The following MYO19 variants were observed in gnomAD, a reference collection of about 807,000 sequenced individuals.
The protein encoded by MYO19 is myosin XIX, also known as unconventional myosin-XIX.
In MYO19, 132 loss-of-function variants were observed where a neutral mutation model predicts 129.2. That is an observed-to-expected ratio of 1.02 (90% CI 0.89 to 1.18). MYO19 has a LOEUF of 1.18. Ranked by LOEUF, MYO19 falls within the 50% of genes most tolerant of loss-of-function variation. The pLI, the probability that MYO19 is intolerant of heterozygous loss-of-function variation, is 0.00. For synonymous variants in MYO19, 531 were observed against 477.2 expected (o/e 1.11, Z -1.47); for missense variants, 1,210 against 1,216.7 (o/e 0.99, Z 0.08).
At position 36,508,084 on chromosome 17, in the gene MYO19, C is replaced by G. The variant is rs989430423; in HGVS notation, c.1232-160G>C. The stretch of plus-strand genomic sequence containing the variant: ...GACACCTGTGGTGGGCAGAACATAC[C>G]TTCCCCACCCTCCACCCAAGGTGGC... On this transcript the variant is annotated intron_variant, in intron 14 of 25. Coordinates refer to ENST00000614623, the MANE Select transcript of MYO19 (RefSeq NM_001163735.2). 4.5e-6 allele frequency: 3 copies of G among 662,836 alleles called. No homozygotes were observed. The Admixed American group carries it at 1.1e-4, about 24-fold the overall frequency. 41.1% of individuals were successfully genotyped at this position (662,836 alleles called of 1,614,324 possible). A position where few individuals can be genotyped will look rare whatever the true frequency, so the allele number is the denominator to read the frequency against.
At position 36,498,260 on chromosome 17, in the gene MYO19, AC is replaced by A; in HGVS notation, c.2757+5del. On this transcript the variant is annotated splice_donor_5th_base_variant and intron_variant, in intron 25 of 25. Transcript: ENST00000614623. Reference sequence around the variant, plus strand: ...AAAGCTGTCATGGCCATCACACACAACGTACCTGAGGCAGCGCTCGGATGGA... The same window carrying A: ...AAAGCTGTCATGGCCATCACACACAAGTACCTGAGGCAGCGCTCGGATGGA... 1 of 1,607,560 alleles carries A rather than the reference AC, an allele frequency of 6.2e-7. No homozygotes were observed. Among genetic ancestry groups the A allele is most frequent in the South Asian group, 1.1e-5 (1 of 91,008 alleles).
In MYO19 at chr17:36,532,573, G is replaced by A; in HGVS notation, c.-35C>T. On this transcript the variant is annotated 5_prime_UTR_variant, in exon 3 of 26. Transcript: ENST00000614623. ...AAGTGGTCAGCCAGGGTTCTGGGTT[G>A]CAGGAGGTACAAGGAGTACTATCCA... The A allele has an allele frequency of 3.2e-6, 5 of 1,553,136 alleles. No homozygotes were observed. The highest frequency in any genetic ancestry group is 4.4e-6 in the Non-Finnish European group (5 of 1,147,822).
At chr17:36,511,191 T>C in intron 12 of MYO19, 174 bp downstream of exon 12, 1 of 709,370 alleles carries the variant, frequency 1.4e-6, no homozygotes, top group Non-Finnish European at 2.4e-6. Flanking sequence ...GGGACGATAC[T>C]GTCTGCCTCA....
rs2072130976 is a variant in MYO19 at position 36,509,092 on chromosome 17, CA to C, written c.1200del (p.Cys400TrpfsTer11). 1.2e-6 allele frequency: 2 copies of C among 1,613,842 alleles called. No individual in the cohort carries two copies. The highest frequency in any genetic ancestry group is 1.7e-6 in the Non-Finnish European group (2 of 1,179,836). ...WLVSVINSSICADTDSWTTFI... is the reference protein window; with the variant it reads ...WLVSVINSSIXADTDSWTTFI... ...AAAGTGGTCCACGAGTCGGTGTCTG[CA>C]CAGATGCTGCTGTTGATCACTGATA... On this transcript the variant is annotated frameshift_variant, in exon 14 of 26. Transcript: ENST00000614623. LOFTEE classifies it high-confidence loss of function.
At chr17:36,519,468 G>A (rs546563178) in intron 6 of MYO19, among the ~76,000 whole-genome samples, 1 of 151,830 alleles carries the variant, frequency 6.6e-6, no homozygotes, top group South Asian at 2.1e-4. Flanking sequence ...TATCGTAATT[G>A]TCACTATGCC....
At chr17:36,502,740 T>C (rs1417163979) in intron 21 of MYO19, 1 of 256,738 alleles carries the variant, frequency 3.9e-6, no homozygotes, top group Admixed American at 5.1e-5. Flanking sequence ...CAGAACTGGC[T>C]GGAGTTCCTC....
intron 9 of MYO19, 64 bp downstream of exon 9, chr17:36,514,382 G>T: frequency 5.6e-6 from 6 of 1,078,498 alleles, no homozygotes; most frequent in Non-Finnish European, 8.6e-6. Context: ...GGAGTGGGGG[G>T]TTGAAAAACA....
intron 6 of MYO19, among the ~76,000 whole-genome samples, chr17:36,518,688 A>C (rs1192369790): frequency 6.6e-6 from 1 of 150,914 alleles, no homozygotes; most frequent in Non-Finnish European, 1.5e-5. Flanking sequence ...AGCATCATTA[A>C]AATGCTGAAT....
intron 25 of MYO19, among the ~76,000 whole-genome samples, chr17:36,497,249 A>T (rs1189207309): frequency 1.3e-5 from 2 of 151,970 alleles, no homozygotes; most frequent in Non-Finnish European, 2.9e-5. Context: ...GAGGCAGGAG[A>T]ATCGCTTAAA....
At chr17:36,504,562 T>A (rs775025686) in intron 19 of MYO19, 3 of 156,358 alleles carry the variant, frequency 1.9e-5, no homozygotes, top group Non-Finnish European at 4.2e-5. Flanking sequence ...CCTCAGAACC[T>A]GGAATCCCAA....
intron 23 of MYO19, chr17:36,500,629 T>C (rs2071448728): frequency 1.5e-6 from 1 of 664,260 alleles, no homozygotes; most frequent in East Asian, 2.8e-5. Context: ...CCTTTGTTTG[T>C]GGAGTGACTT....
At chr17:36,539,955 G>A (rs2074188472) in intron 2 of MYO19, among the ~76,000 whole-genome samples, 1 of 151,900 alleles carries the variant, frequency 6.6e-6, no homozygotes, top group African/African-American at 2.4e-5. Context: ...TATGTGTCTG[G>A]GGGCTGGGGG....
intron 18 of MYO19, 21 bp from the exon 19 acceptor site, chr17:36,505,425 G>A (rs2071816468): frequency 1.1e-5 from 17 of 1,601,556 alleles, no homozygotes; most frequent in Non-Finnish European, 1.5e-5. Context: ...GAGACCATGG[G>A]GTTAGGCAGG....
At chr17:36,504,972 G>T in intron 19 of MYO19, 1 of 486,152 alleles carries the variant, frequency 2.1e-6, no homozygotes, top group East Asian at 4.5e-5. Context: ...TGCACTGTGC[G>T]GGGACTGTGT....
At chr17:36,510,719 C>A (rs766951168) in intron 13 of MYO19, 27 bp downstream of exon 13, 12 of 1,567,082 alleles carry the variant, frequency 7.7e-6, no homozygotes, top group East Asian at 4.6e-5. Flanking sequence ...GGGTCCTCCC[C>A]AACAAGGGGC....
chr17:36,534,386 C>T (rs2074004092), intron 1 of MYO19, among the ~76,000 whole-genome samples: 1 of 152,142 alleles, frequency 6.6e-6, no homozygotes, highest in Non-Finnish European at 1.5e-5. Context: ...GTATGTCCTT[C>T]CCAGGAAGGT....
At chr17:36,533,571 G>A (rs964246657) in intron 2 of MYO19, 2 of 152,262 alleles carry the variant, frequency 1.3e-5, no homozygotes, top group Admixed American at 6.5e-5. Context: ...AATACATCAA[G>A]TCTTTAAAGA....
At chr17:36,517,328 C>T (rs1047912487) in intron 6 of MYO19, among the ~76,000 whole-genome samples, 2 of 152,174 alleles carry the variant, frequency 1.3e-5, no homozygotes, top group South Asian at 2.1e-4. Context: ...GGCACGATCT[C>T]GGCTCACTGC....
chr17:36,513,093 A>G, intron 11 of MYO19: 1 of 1,327,960 alleles, frequency 7.5e-7, no homozygotes, highest in Non-Finnish European at 9.7e-7. Context: ...AAGTGTGAAC[A>G]TGACTTGTAA....
Sources: allele counts gnomAD v4.1 joint callset (sites outside exome capture counted in the v4.1 genomes callset), GRCh38; gene constraint gnomAD v4.1.1; transcripts MANE v1.5; gene names NCBI Gene and HGNC (gene_info 2026-07-23, HGNC 2026-07-21).